PLCZ1: variants seen among roughly 807,000 people sequenced by gnomAD.
PLCZ1 encodes 1-phosphatidylinositol 4,5-bisphosphate phosphodiesterase zeta-1.
Under a neutral mutation model 76.8 loss-of-function variants are expected in PLCZ1, and 64 were observed. The observed-to-expected ratio is 0.83, with a 90% CI of 0.68 to 1.03. The LOEUF (loss-of-function observed/expected upper bound fraction) is 1.03. Among genes scored for constraint, PLCZ1 ranks in the 50% least tolerant of loss-of-function variants. The probability of loss-of-function intolerance (pLI) is 0.00; values close to 1 mark genes in which losing one functional copy is unlikely to be tolerated. For synonymous variants in PLCZ1, 248 were observed against 230.8 expected (o/e 1.07, Z -0.68); for missense variants, 751 against 713.7 (o/e 1.05, Z -0.60).
intron 3 of PLCZ1, among the ~76,000 whole-genome samples, chr12:18,727,197 A>C: frequency 6.6e-6 from 1 of 150,968 alleles, no homozygotes; most frequent in Non-Finnish European, 1.5e-5. Flanking sequence ...AAAAAAAAAC[A>C]ATTTGCCAAG....
At chr12:18,683,059 G>T, downstream of PLCZ1, 1 of 632,028 alleles carries the variant, frequency 1.6e-6, no homozygotes, top group Non-Finnish European at 2.7e-6. Context: ...ACCCTCTGAA[G>T]TTTCTATTTT....
downstream of PLCZ1, among the ~76,000 whole-genome samples, chr12:18,678,499 A>G (rs1952147077): frequency 6.6e-6 from 1 of 151,988 alleles, no homozygotes; most frequent in African/African-American, 2.4e-5. Context: ...GCTCCTTTTA[A>G]TCCATCCCTC....
At chr12:18,681,735 T>G (rs757764534), downstream of PLCZ1, among the ~76,000 whole-genome samples, 1 of 152,062 alleles carries the variant, frequency 6.6e-6, no homozygotes, top group Non-Finnish European at 1.5e-5. Context: ...AACAATTTGG[T>G]CTTCAAAATT....
chr12:18,685,706 A>T (rs1431407903), intron 13 of PLCZ1: 2 of 504,064 alleles, frequency 4.0e-6, no homozygotes, highest in African/African-American at 3.9e-5. Context: ...GTTTAGAGTC[A>T]ATTCTTTATA....
chr12:18,700,163 A>T (rs1386617926), intron 9 of PLCZ1, among the ~76,000 whole-genome samples: 3 of 152,168 alleles, frequency 2.0e-5, no homozygotes, highest in Non-Finnish European at 4.4e-5. Flanking sequence ...AAAAATCATG[A>T]TTAATGTAAT....
chr12:18,667,634 C>A, the PLCZ1 span, among the ~76,000 whole-genome samples: 2 of 152,090 alleles, frequency 1.3e-5, no homozygotes, highest in African/African-American at 4.8e-5. Context: ...AAGGAGTTAG[C>A]GTTTATTGAA....
Position 18,699,782 on chromosome 12 carries a change from A to G in PLCZ1, c.1174+12T>C, listed in dbSNP as rs186694411. 3.7e-6 allele frequency: 6 copies of G among 1,610,812 alleles called. No individual in the cohort carries two copies. The East Asian group carries it at 1.3e-4, about 36-fold the overall frequency. Reference sequence around the variant, plus strand: ...TTTAAACATTTCATCTATTTGAGTCACAAAAATTTACCTCGCAATTTTGAA... The same window carrying G: ...TTTAAACATTTCATCTATTTGAGTCGCAAAAATTTACCTCGCAATTTTGAA... On this transcript the variant is annotated intron_variant, in intron 10 of 14. Coordinates refer to ENST00000266505, the MANE Select transcript of PLCZ1 (RefSeq NM_033123.4).
chr12:18,709,471 C>T (rs73064326), intron 6 of PLCZ1, among the ~76,000 whole-genome samples: 8,943 of 152,038 alleles, frequency 0.059, 288 homozygotes, highest in Middle Eastern at 0.085. Flanking sequence ...ACTTTGTTTT[C>T]ATTTCTCAGA....
intron 3 of PLCZ1, among the ~76,000 whole-genome samples, chr12:18,731,807 A>G (rs1959064635): frequency 6.6e-6 from 1 of 152,074 alleles, no homozygotes; most frequent in Non-Finnish European, 1.5e-5. Flanking sequence ...TCTTCCTAGT[A>G]CAAAACTCAG....
intron 13 of PLCZ1, among the ~76,000 whole-genome samples, chr12:18,687,784 G>A (rs1458269473): frequency 6.6e-6 from 1 of 151,904 alleles, no homozygotes; most frequent in African/African-American, 2.4e-5. Context: ...GTAGATTTGA[G>A]GCTGTTAAAA....
intron 6 of PLCZ1, 77 bp from the exon 7 acceptor site, chr12:18,705,392 T>C (rs1297961320): frequency 1.9e-6 from 3 of 1,540,724 alleles, no homozygotes; most frequent in Middle Eastern, 3.5e-4. Flanking sequence ...AAGTGCTTAA[T>C]GTATTTTAAA....
At chr12:18,665,063 C>T in the PLCZ1 span, among the ~76,000 whole-genome samples, 11 of 149,702 alleles carry the variant, frequency 7.3e-5, no homozygotes, top group East Asian at 2.0e-4. Context: ...TGCTAAATGA[C>T]GAGTTGATGG....
the PLCZ1 span, among the ~76,000 whole-genome samples, chr12:18,669,151 A>T: frequency 6.6e-6 from 1 of 152,130 alleles, no homozygotes; most frequent in Non-Finnish European, 1.5e-5. Context: ...TATTTTCTTG[A>T]TTCCTCTGAT....
At chr12:18,724,422 AG>A (rs1422390857) in intron 3 of PLCZ1, among the ~76,000 whole-genome samples, 1 of 152,132 alleles carries the variant, frequency 6.6e-6, no homozygotes, top group Admixed American at 6.6e-5. Context: ...ACTGGGAAAT[AG>A]GAATTTCAGC....
At position 18,701,505 on chromosome 12, in the gene PLCZ1, T is replaced by C. The variant is rs200951053; in HGVS notation, c.1013A>G (p.Lys338Arg). The C allele has an allele frequency of 1.3e-4, 207 of 1,614,086 alleles. No homozygotes were observed. The East Asian group carries it at 4.5e-3, about 35-fold the overall frequency. The change falls in exon 9 of 15, where the codon AAG (lysine) becomes AGG (arginine). Residue 338 changes from lysine (K) to arginine (R), a missense_variant. Coordinates refer to ENST00000266505, the MANE Select transcript of PLCZ1 (RefSeq NM_033123.4). Reference protein sequence around the residue: ...KLPGVMLFKKKKTRKLKIALA... With the variant: ...KLPGVMLFKKRKTRKLKIALA... ...TTTCACAAAACACCACCTCACCTTC[T>C]TTTTCTTGAAAAGCATTACTCCAGG...
At chr12:18,692,613 T>C in intron 12 of PLCZ1, 1 of 562,374 alleles carries the variant, frequency 1.8e-6, no homozygotes, top group South Asian at 2.1e-5. Flanking sequence ...GGAAGCAATA[T>C]GAGGTCAACC....
chr12:18,703,228 T>C (rs1363330708), intron 7 of PLCZ1, among the ~76,000 whole-genome samples: 2 of 152,184 alleles, frequency 1.3e-5, no homozygotes, highest in African/African-American at 2.4e-5. Context: ...GGCATTCTTA[T>C]GCCACAAAAG....
At chr12:18,703,822 C>T (rs117168184) in intron 7 of PLCZ1, among the ~76,000 whole-genome samples, 6,135 of 152,216 alleles carry the variant, frequency 0.04, 173 homozygotes, top group Middle Eastern at 0.082. Flanking sequence ...TGAATAAATT[C>T]TTCTAACTGA....
chr12:18,661,931 C>G, the PLCZ1 span, among the ~76,000 whole-genome samples: 1 of 152,032 alleles, frequency 6.6e-6, no homozygotes, highest in Non-Finnish European at 1.5e-5. Context: ...AAATACTACA[C>G]ATCCATAAAA....
Sources: gnomAD v4.1 joint callset for allele counts (sites outside exome capture counted in the v4.1 genomes callset) on GRCh38, gnomAD v4.1.1 for gene constraint, MANE v1.5 for transcripts, NCBI Gene and HGNC (gene_info 2026-07-23, HGNC 2026-07-21) for gene names.